Variants in CUX2 observed in about 807,000 individuals in gnomAD.
The protein encoded by CUX2 is homeobox protein cut-like 2.
CUX2 carries 40 observed loss-of-function variants against 144.8 expected under a neutral mutation model. The observed-to-expected ratio is 0.28, with a 90% CI of 0.21 to 0.36. The LOEUF is 0.36. CUX2 is among the 10% of genes least tolerant of loss of function. The probability of loss-of-function intolerance (pLI) is 1.00; values close to 1 mark genes in which losing one functional copy is unlikely to be tolerated. For missense variants in CUX2, 1,615 were observed against 1,994.0 expected (o/e 0.81, Z 3.62); for synonymous variants, 827 against 875.6 (o/e 0.94, Z 0.98).
At chr12:111,134,649 T>TG (rs1566244481) in intron 1 of CUX2, among the ~76,000 whole-genome samples, 1 of 151,758 alleles carries the variant, frequency 6.6e-6, no homozygotes, top group African/African-American at 2.4e-5. Context: ...TGTGTGTGTG[T>TG]TTCTGCTGCT....
rs373002799 is a variant in CUX2 at position 111,254,131 on chromosome 12, C to G, written c.223-9630C>G. 6.6e-5 allele frequency among the ~76,000 whole-genome samples: 10 copies of G among 152,092 alleles called. No homozygotes were observed. The South Asian group carries it at 2.1e-3, about 32-fold the overall frequency. On this transcript the variant is annotated intron_variant, in intron 3 of 21. Transcript: ENST00000261726. ...GATAGAAGCTAGCATTCCTGCAGCCCTGATGTCAGCAGATGCTGACGGATG... is the reference window on the plus strand; with the variant it reads ...GATAGAAGCTAGCATTCCTGCAGCCGTGATGTCAGCAGATGCTGACGGATG...
At chr12:111,204,124 G>A (rs1880774758) in intron 1 of CUX2, among the ~76,000 whole-genome samples, 1 of 152,230 alleles carries the variant, frequency 6.6e-6, no homozygotes, top group African/African-American at 2.4e-5. Context: ...GCATTTTGCA[G>A]CAGTGAGAGT....
intron 21 of CUX2, among the ~76,000 whole-genome samples, chr12:111,343,210 T>C (rs1231410463): frequency 1.3e-5 from 2 of 152,024 alleles, no homozygotes; most frequent in African/African-American, 4.8e-5. Context: ...GGTATCCTCT[T>C]CAGGCTCCAC....
At chr12:111,327,394 A>C (rs1472629875) in intron 18 of CUX2, among the ~76,000 whole-genome samples, 1 of 152,308 alleles carries the variant, frequency 6.6e-6, no homozygotes, top group Non-Finnish European at 1.5e-5. Context: ...TATATCTAGG[A>C]GTACAGTTGG....
chr12:111,110,932 C>A (rs1290729978), intron 1 of CUX2, among the ~76,000 whole-genome samples: 2 of 152,132 alleles, frequency 1.3e-5, no homozygotes, highest in Non-Finnish European at 2.9e-5. Context: ...GAAAGTGGGG[C>A]AGAGGATGGG....
chr12:111,318,301 GC>G (rs1887304812), intron 16 of CUX2, among the ~76,000 whole-genome samples: 1 of 141,686 alleles, frequency 7.1e-6, no homozygotes. Flanking sequence ...TGTAGCCTAG[GC>G]TGGTCTTGAG....
At chr12:111,132,557 CTTTTTTTTTTTT>C (rs1182564665) in intron 1 of CUX2, among the ~76,000 whole-genome samples, 2 of 97,168 alleles carry the variant, frequency 2.1e-5, no homozygotes, top group African/African-American at 4.9e-5. Context: ...GCTCTGTTTC[CTTTTTTTTTTTT>C]TTTTTTTTTT....
intron 1 of CUX2, among the ~76,000 whole-genome samples, chr12:111,156,114 T>C (rs1052582592): frequency 6.6e-6 from 1 of 152,128 alleles, no homozygotes; most frequent in Admixed American, 6.5e-5. Flanking sequence ...AAGACTTTAA[T>C]AGTCGTTCCA....
At chr12:111,336,273 A>ATG (rs1174207048) in intron 19 of CUX2, among the ~76,000 whole-genome samples, 2 of 152,128 alleles carry the variant, frequency 1.3e-5, no homozygotes, top group Non-Finnish European at 2.9e-5. Context: ...TACCAGAGGG[A>ATG]TGTATGCAAA....
chr12:111,338,124 C>T (rs1888432729), intron 19 of CUX2, among the ~76,000 whole-genome samples, 162 bp from the exon 20 acceptor site: 1 of 152,218 alleles, frequency 6.6e-6, no homozygotes, highest in African/African-American at 2.4e-5. Flanking sequence ...CTCGGCTTCA[C>T]ATCAGGTGTG....
chr12:111,243,540 G>A (rs1468655323), intron 3 of CUX2, among the ~76,000 whole-genome samples: 2 of 113,826 alleles, frequency 1.8e-5, no homozygotes, highest in Non-Finnish European at 3.3e-5. Flanking sequence ...GTCTCGCTCT[G>A]TTGCCCAGGC....
At chr12:111,269,623 CAG>C (rs1884544466) in intron 4 of CUX2, among the ~76,000 whole-genome samples, 1 of 152,134 alleles carries the variant, frequency 6.6e-6, no homozygotes, top group Non-Finnish European at 1.5e-5. Context: ...CAAAGGGAAA[CAG>C]AAGGGTCTTA....
At chr12:111,191,313 ATTTAT>A (rs1237332334) in intron 1 of CUX2, among the ~76,000 whole-genome samples, 3 of 95,218 alleles carry the variant, frequency 3.2e-5, no homozygotes, top group Non-Finnish European at 6.2e-5. Flanking sequence ...TTTATTATTT[ATTTAT>A]TTATTTATTT....
intron 1 of CUX2, among the ~76,000 whole-genome samples, chr12:111,174,204 G>A (rs994329143): frequency 2.0e-5 from 3 of 152,226 alleles, no homozygotes; most frequent in Non-Finnish European, 4.4e-5. Context: ...CTGGCTGCCA[G>A]GGTGGAAGTG....
intron 18 of CUX2, among the ~76,000 whole-genome samples, chr12:111,323,226 G>A (rs542239761): frequency 6.6e-5 from 10 of 152,226 alleles, no homozygotes; most frequent in Non-Finnish European, 1.5e-4. Flanking sequence ...CATCAGACCT[G>A]CCCACTGAGA....
intron 4 of CUX2, among the ~76,000 whole-genome samples, chr12:111,266,105 A>G (rs559394315): frequency 6.6e-6 from 1 of 152,302 alleles, no homozygotes; most frequent in East Asian, 1.9e-4. Context: ...AAGTCTTTGC[A>G]GATGTAATTA....
intron 1 of CUX2, 47 bp from the exon 2 acceptor site, chr12:111,214,153 T>A: frequency 8.2e-7 from 1 of 1,224,714 alleles, no homozygotes; most frequent in Non-Finnish European, 1.1e-6. Flanking sequence ...AAGAAAAATC[T>A]TTTTCTTTTC....
At chr12:111,346,242 G>A (rs528380403) in intron 21 of CUX2, among the ~76,000 whole-genome samples, 17 of 151,704 alleles carry the variant, frequency 1.1e-4, no homozygotes, top group Non-Finnish European at 2.2e-4. Context: ...TTGGGAGGCC[G>A]AGGCTGGTGG....
chr12:111,338,024 ACT>A (rs1322790662), intron 19 of CUX2, among the ~76,000 whole-genome samples: 2 of 151,178 alleles, frequency 1.3e-5, no homozygotes, highest in East Asian at 1.9e-4. Flanking sequence ...ATAGAGTGAA[ACT>A]CTGTCTCAAA....
Sources: allele counts gnomAD v4.1 joint callset (sites outside exome capture counted in the v4.1 genomes callset), GRCh38; gene constraint gnomAD v4.1.1; transcripts MANE v1.5; gene names NCBI Gene and HGNC (gene_info 2026-07-23, HGNC 2026-07-21).